Variants in NPAS3 observed in about 807,000 individuals in gnomAD.
NPAS3 encodes neuronal PAS domain-containing protein 3.
A neutral mutation model predicts 73.1 loss-of-function variants in NPAS3; 14 were observed. The observed-to-expected ratio is 0.19, with a 90% CI of 0.13 to 0.30. The LOEUF is 0.30. NPAS3 is among the 10% of genes least tolerant of loss of function. The pLI is 1.00. For missense variants in NPAS3, 1,096 were observed against 1,250.0 expected (o/e 0.88, Z 1.86); for synonymous variants, 620 against 541.5 (o/e 1.14, Z -2.01).
chr14:33,690,344 G>A (rs1032718748), intron 6 of NPAS3, among the ~76,000 whole-genome samples: 2 of 151,908 alleles, frequency 1.3e-5, no homozygotes, highest in East Asian at 1.9e-4. Flanking sequence ...ATGCCCAAAT[G>A]CCCTGGCCAT....
rs1555333477 is a variant in NPAS3 at position 33,784,721 on chromosome 14, T to TTTTATTTATTTA, written c.1153+6165_1153+6176dup. ...AGCTGCTTTTATTTTTTATTGTTATTTTTATTTATTTATTTATTTATTTAT... is the reference window on the plus strand; with the variant it reads ...AGCTGCTTTTATTTTTTATTGTTATTTTTATTTATTTATTTATTTATTTATTTATTTATTTAT... On this transcript the variant is annotated intron_variant, in intron 9 of 11. Transcript: ENST00000356141. Among the ~76,000 whole-genome samples, 163 of 104,006 alleles carry TTTTATTTATTTA rather than the reference T, an allele frequency of 1.6e-3. 4 individuals carry two copies. Among genetic ancestry groups the TTTTATTTATTTA allele is most frequent in the African/African-American group, 3.2e-3 (78 of 24,604 alleles). The allele number at this position is 104,006 out of a possible 152,430, so 68.2% of individuals were successfully genotyped here.
At chr14:33,216,128 A>G (rs1013618961) in intron 3 of NPAS3, among the ~76,000 whole-genome samples, 1 of 152,130 alleles carries the variant, frequency 6.6e-6, no homozygotes, top group African/African-American at 2.4e-5. Flanking sequence ...ATTTATGTAT[A>G]TGTGGTGTTG....
chr14:33,013,035 C>T (rs1387499900), intron 1 of NPAS3, among the ~76,000 whole-genome samples: 1 of 152,142 alleles, frequency 6.6e-6, no homozygotes, highest in Admixed American at 6.5e-5. Context: ...TGTGTGAGAG[C>T]AAATCCAAAC....
chr14:33,657,182 T>TGA (rs2059168117), intron 5 of NPAS3, among the ~76,000 whole-genome samples: 1 of 152,208 alleles, frequency 6.6e-6, no homozygotes, highest in African/African-American at 2.4e-5. Context: ...TTTATAGCCT[T>TGA]GATTGTGCAT....
At chr14:33,505,328 A>C (rs1361177939) in intron 4 of NPAS3, among the ~76,000 whole-genome samples, 1 of 151,806 alleles carries the variant, frequency 6.6e-6, no homozygotes, top group Non-Finnish European at 1.5e-5. Flanking sequence ...GAAAGTGGAG[A>C]AAAGTTGTAC....
chr14:33,455,986 G>A (rs949615548), intron 4 of NPAS3, among the ~76,000 whole-genome samples: 4 of 152,192 alleles, frequency 2.6e-5, no homozygotes. Context: ...GTCTTTGTGG[G>A]AAGGAATATG....
chr14:33,629,247 AAAAG>A (rs1257913002), intron 5 of NPAS3, among the ~76,000 whole-genome samples: 1 of 151,646 alleles, frequency 6.6e-6, no homozygotes, highest in Non-Finnish European at 1.5e-5. Context: ...AAAAAAAAAA[AAAAG>A]AAAACCAGGT....
chr14:33,338,637 G>C (rs1005739696), intron 3 of NPAS3, among the ~76,000 whole-genome samples: 1 of 152,022 alleles, frequency 6.6e-6, no homozygotes, highest in African/African-American at 2.4e-5. Context: ...TTCTATCTGC[G>C]TAGTAAGATA....
At chr14:33,364,671 A>G (rs1197472443) in intron 3 of NPAS3, among the ~76,000 whole-genome samples, 1 of 152,220 alleles carries the variant, frequency 6.6e-6, no homozygotes, top group African/African-American at 2.4e-5. Flanking sequence ...CTATACAGAT[A>G]GAACTCATGG....
chr14:33,709,825 T>G (rs971240124), intron 6 of NPAS3, among the ~76,000 whole-genome samples: 1 of 152,196 alleles, frequency 6.6e-6, no homozygotes, highest in African/African-American at 2.4e-5. Flanking sequence ...TCCTCAGGAC[T>G]TAAATATCCC....
intron 2 of NPAS3, among the ~76,000 whole-genome samples, chr14:33,091,561 A>G (rs1025853581): frequency 2.0e-5 from 3 of 152,224 alleles, no homozygotes; most frequent in Non-Finnish European, 4.4e-5. Flanking sequence ...TACCAGAGGT[A>G]TAAGGAGGAG....
At chr14:33,062,312 A>G (rs1395297237) in intron 2 of NPAS3, among the ~76,000 whole-genome samples, 1 of 150,616 alleles carries the variant, frequency 6.6e-6, no homozygotes, top group East Asian at 1.9e-4. Flanking sequence ...AAAAAAAAAA[A>G]GAAGGAATGT....
chr14:33,106,592 T>A (rs2042728248), intron 2 of NPAS3, among the ~76,000 whole-genome samples: 1 of 152,190 alleles, frequency 6.6e-6, no homozygotes, highest in Admixed American at 6.6e-5. Context: ...ACCACCTTAG[T>A]CTTCCACTGG....
chr14:33,615,315 G>A (rs1467049166), intron 5 of NPAS3, among the ~76,000 whole-genome samples: 1 of 152,162 alleles, frequency 6.6e-6, no homozygotes, highest in African/African-American at 2.4e-5. Flanking sequence ...CAATTTGGCT[G>A]CAGTGCAGAG....
At chr14:33,196,761 A>C (rs966264897) in intron 2 of NPAS3, among the ~76,000 whole-genome samples, 3 of 152,228 alleles carry the variant, frequency 2.0e-5, no homozygotes, top group African/African-American at 7.2e-5. Context: ...ACATGTTTAC[A>C]TTTAGCACAC....
chr14:33,453,898 C>G (rs1442404655), intron 4 of NPAS3, among the ~76,000 whole-genome samples: 1 of 152,198 alleles, frequency 6.6e-6, no homozygotes, highest in Non-Finnish European at 1.5e-5. Context: ...CCACGTTAGC[C>G]AGGCCGGTCT....
upstream of NPAS3, among the ~76,000 whole-genome samples, chr14:32,938,525 A>AGAGAGAGAGAGAGAGAGAGAGAGAGG (rs1566779564): frequency 3.0e-5 from 2 of 66,240 alleles, no homozygotes; most frequent in African/African-American, 1.1e-4. Flanking sequence ...GAGAGAGAGA[A>AGAGAGAGAGAGAGAGAGAGAGAGAGG]GGGGGGGGAG....
upstream of NPAS3, among the ~76,000 whole-genome samples, chr14:32,937,204 A>G (rs1265894925): frequency 6.6e-6 from 1 of 152,176 alleles, no homozygotes; most frequent in Admixed American, 6.5e-5. Context: ...TGGCACCTCA[A>G]CAGGATTGTG....
At chr14:33,079,717 T>G (rs1192480199) in intron 2 of NPAS3, among the ~76,000 whole-genome samples, 8 of 147,416 alleles carry the variant, frequency 5.4e-5, no homozygotes, top group Non-Finnish European at 1.5e-5. Flanking sequence ...GTTCAAGTGA[T>G]TCTCCTGCCT....
Sources: allele counts gnomAD v4.1 joint callset (sites outside exome capture counted in the v4.1 genomes callset), GRCh38; gene constraint gnomAD v4.1.1; transcripts MANE v1.5; gene names NCBI Gene and HGNC (gene_info 2026-07-23, HGNC 2026-07-21).